The following RBPJ variants were observed in gnomAD, a reference collection of about 807,000 sequenced individuals.
The protein encoded by RBPJ is recombining binding protein suppressor of hairless.
A neutral mutation model predicts 67.8 loss-of-function variants in RBPJ; 9 were observed. That is an observed-to-expected ratio of 0.13 (90% CI 0.08 to 0.23). RBPJ has a LOEUF of 0.23. RBPJ is among the 10% of genes least tolerant of loss of function. The pLI, the probability that RBPJ is intolerant of heterozygous loss-of-function variation, is 1.00. For missense variants in RBPJ, 305 were observed against 595.6 expected (o/e 0.51, Z 5.08); for synonymous variants, 198 against 203.3 (o/e 0.97, Z 0.22).
intron 3 of RBPJ, among the ~76,000 whole-genome samples, chr4:26,414,519 G>T (rs1332825679): frequency 6.6e-6 from 1 of 152,122 alleles, no homozygotes; most frequent in African/African-American, 2.4e-5. Context: ...TATTACTTAT[G>T]TGGCTACTAT....
intron 3 of RBPJ, among the ~76,000 whole-genome samples, chr4:26,413,389 C>T (rs943825492): frequency 2.0e-5 from 3 of 152,182 alleles, no homozygotes; most frequent in African/African-American, 7.2e-5. Flanking sequence ...TTATCACCAG[C>T]TAATGGAGTA....
chr4:26,186,554 C>A (rs1717269498), intron 1 of RBPJ, among the ~76,000 whole-genome samples: 1 of 152,146 alleles, frequency 6.6e-6, no homozygotes, highest in South Asian at 2.1e-4. Context: ...GAGCGAGACC[C>A]TCTGAGGTCA....
At chr4:26,218,641 G>A (rs1026060045) in intron 1 of RBPJ, among the ~76,000 whole-genome samples, 1 of 152,190 alleles carries the variant, frequency 6.6e-6, no homozygotes, top group Non-Finnish European at 1.5e-5. Flanking sequence ...AAATCCCCAA[G>A]GGCTGGGCCT....
At chr4:26,187,986 C>T (rs542378351) in intron 1 of RBPJ, among the ~76,000 whole-genome samples, 10 of 152,174 alleles carry the variant, frequency 6.6e-5, no homozygotes, top group Non-Finnish European at 8.8e-5. Flanking sequence ...AAGATCATGC[C>T]ACTGCACTCC....
At chr4:26,272,809 T>C (rs1380297381) in intron 1 of RBPJ, 4 of 431,670 alleles carry the variant, frequency 9.3e-6, no homozygotes, top group South Asian at 3.4e-5. Flanking sequence ...GAAAGTCCTA[T>C]TGGATCTGCA....
intron 1 of RBPJ, among the ~76,000 whole-genome samples, chr4:26,209,657 CCCT>C: frequency 6.9e-6 from 1 of 144,618 alleles, no homozygotes; most frequent in African/African-American, 2.5e-5. Context: ...TTCCCTCTCT[CCCT>C]CCCTTCCTCC....
At chr4:26,148,591 A>G in the RBPJ span, among the ~76,000 whole-genome samples, 2 of 152,214 alleles carry the variant, frequency 1.3e-5, no homozygotes, top group Non-Finnish European at 1.5e-5. Flanking sequence ...AAGAAGAAAA[A>G]AGTGTTTAAA....
chr4:26,422,712 G>A (rs1021745297), intron 5 of RBPJ, among the ~76,000 whole-genome samples: 2 of 152,148 alleles, frequency 1.3e-5, no homozygotes, highest in Non-Finnish European at 2.9e-5. Flanking sequence ...ACACTCTCAA[G>A]TAGACAGAGT....
In RBPJ at chr4:26,424,632, G is replaced by A; in HGVS notation, c.636G>A (p.Leu212=). The change falls in exon 7 of 11, where the codon TTG becomes TTA. Residue 212 remains leucine (L), a splice_region_variant and synonymous_variant. Coordinates refer to ENST00000355476, the MANE Select transcript of RBPJ (RefSeq NM_015874.6). This position sits in a 1 kb window ranked among gnomAD's most constrained non-coding sequence, Gnocchi z 5.3. ...GATTTATTTTTCCACCTACTGCAGTGGATGATGATGAATCAGAAGGAGAAG... is the reference window on the plus strand; with the variant it reads ...GATTTATTTTTCCACCTACTGCAGTAGATGATGATGAATCAGAAGGAGAAG... ...QQWGAFFIHL[L]DDDESEGEEF... is the part of the protein sequence containing the mutation. The A allele has an allele frequency of 1.2e-6, 2 of 1,604,052 alleles. No individual in the cohort carries two copies. Among genetic ancestry groups the A allele is most frequent in the Non-Finnish European group, 1.7e-6 (2 of 1,172,074 alleles).
chr4:26,197,025 A>G lies in RBPJ; in HGVS notation c.-167+33411A>G, dbSNP rs538184020. Among the ~76,000 whole-genome samples the G allele has an allele frequency of 5.6e-4, 85 of 152,372 alleles. 1 individual carries two copies. Among genetic ancestry groups the G allele is most frequent in the African/African-American group, 2.0e-3 (84 of 41,598 alleles). On this transcript the variant is annotated intron_variant, in intron 1 of 4. Transcript: ENST00000512351. ...CTCTTATCATCTGCCATCTGTATCA[A>G]TCTTTCTCTCGCTCACTCTCTCTCT... is the stretch of plus-strand genomic sequence containing the variant.
intron 1 of RBPJ, among the ~76,000 whole-genome samples, chr4:26,313,121 C>T (rs571571737): frequency 7.9e-5 from 12 of 152,302 alleles, no homozygotes; most frequent in African/African-American, 2.6e-4. Context: ...CAGAGTCTCA[C>T]TATATTGTCC....
intron 1 of RBPJ, among the ~76,000 whole-genome samples, chr4:26,348,484 C>T (rs1238058909): frequency 2.6e-5 from 4 of 152,088 alleles, no homozygotes; most frequent in Non-Finnish European, 5.9e-5. Context: ...TTTTTCTTTT[C>T]TTTTAACTGA....
intron 1 of RBPJ, among the ~76,000 whole-genome samples, chr4:26,198,763 C>T (rs564392889): frequency 1.3e-5 from 2 of 152,234 alleles, no homozygotes; most frequent in African/African-American, 4.8e-5. Context: ...ACCATAATAC[C>T]ATCTTGTCTT....
intron 1 of RBPJ, among the ~76,000 whole-genome samples, chr4:26,297,597 CAG>C (rs1175399476): frequency 6.6e-6 from 1 of 151,622 alleles, no homozygotes; most frequent in African/African-American, 2.4e-5. Flanking sequence ...GCTAAAGAGA[CAG>C]AGCATAAAAC....
the RBPJ span, among the ~76,000 whole-genome samples, chr4:26,115,902 C>T: frequency 6.6e-6 from 1 of 151,504 alleles, no homozygotes; most frequent in East Asian, 1.9e-4. Context: ...AGTTGAAATA[C>T]AGTAGTACTC....
At chr4:26,279,840 T>C (rs909532082) in intron 1 of RBPJ, among the ~76,000 whole-genome samples, 4 of 146,130 alleles carry the variant, frequency 2.7e-5, no homozygotes, top group Non-Finnish European at 4.5e-5. Flanking sequence ...CAGGCTGGAG[T>C]GCAGTGTCTC....
At chr4:26,177,196 C>G (rs1214548647) in intron 1 of RBPJ, among the ~76,000 whole-genome samples, 1 of 152,192 alleles carries the variant, frequency 6.6e-6, no homozygotes, top group Admixed American at 6.5e-5. Context: ...TCCTCCTCAT[C>G]TTAAATTCAA....
intron 1 of RBPJ, among the ~76,000 whole-genome samples, chr4:26,291,562 A>T (rs1254720491): frequency 6.7e-6 from 1 of 150,366 alleles, no homozygotes; most frequent in African/African-American, 2.5e-5. Flanking sequence ...GAGTGACAAG[A>T]CAAGCAGGTA....
chr4:26,197,310 G>A (rs1717803365), intron 1 of RBPJ, among the ~76,000 whole-genome samples: 1 of 152,186 alleles, frequency 6.6e-6, no homozygotes, highest in African/African-American at 2.4e-5. Flanking sequence ...TCCATCATGT[G>A]TAAAATGGGG....
Sources: allele counts gnomAD v4.1 joint callset (sites outside exome capture counted in the v4.1 genomes callset), GRCh38; gene constraint gnomAD v4.1.1; non-coding constraint Gnocchi (gnomAD v3.1); transcripts MANE v1.5; gene names NCBI Gene and HGNC (gene_info 2026-07-23, HGNC 2026-07-21).